The following PTPRS variants were observed in gnomAD, a reference collection of about 807,000 sequenced individuals.
PTPRS encodes protein tyrosine phosphatase receptor type S.
PTPRS carries 63 observed loss-of-function variants against 215.3 expected under a neutral mutation model. That is an observed-to-expected ratio of 0.29 (90% CI 0.24 to 0.36). PTPRS has a LOEUF of 0.36. Ranked by LOEUF, PTPRS falls within the 10% of genes least tolerant of loss-of-function variation. The pLI is 1.00. For synonymous variants in PTPRS, 1,404 were observed against 1,191.4 expected, an observed-to-expected ratio of 1.18 and a Z score of -3.68; for missense variants, 2,258 against 2,825.8, an observed-to-expected ratio of 0.80 and a Z score of 4.56.
chr19:5,260,634 C>CCACAGA (rs939579448), intron 7 of PTPRS, among the ~76,000 whole-genome samples, 171 bp downstream of exon 7: 2 of 152,180 alleles, frequency 1.3e-5, no homozygotes, highest in African/African-American at 2.4e-5. Context: ...AGCCCCCTGG[C>CCACAGA]CACAGACACA....
intron 17 of PTPRS, among the ~76,000 whole-genome samples, chr19:5,223,837 CA>C (rs1297002141): frequency 6.6e-6 from 1 of 151,036 alleles, no homozygotes; most frequent in Non-Finnish European, 1.5e-5. Context: ...GCTGGGATTA[CA>C]GGTGTGAGCC....
At chr19:5,219,137 C>T in intron 23 of PTPRS, 173 bp downstream of exon 23, 1 of 880,346 alleles carries the variant, frequency 1.1e-6, no homozygotes, top group Non-Finnish European at 1.7e-6. Context: ...AGCCCTAGCT[C>T]TGCCATTCCC....
chr19:5,281,070 G>GT (rs1568557544), intron 2 of PTPRS, among the ~76,000 whole-genome samples: 1 of 151,958 alleles, frequency 6.6e-6, no homozygotes, highest in African/African-American at 2.4e-5. Flanking sequence ...GGGATTACAG[G>GT]TATGAGGCGC....
At chr19:5,229,453 G>A (rs554871588) in intron 15 of PTPRS, 38 bp downstream of exon 15, 48 of 1,364,096 alleles carry the variant, frequency 3.5e-5, no homozygotes, top group Non-Finnish European at 4.1e-5. Flanking sequence ...GTCCCCGCCC[G>A]GAGCCCGTCC....
chr19:5,306,601 C>T (rs376021069), intron 1 of PTPRS, among the ~76,000 whole-genome samples: 1 of 152,166 alleles, frequency 6.6e-6, no homozygotes, highest in Non-Finnish European at 1.5e-5. Flanking sequence ...GTTTATCACC[C>T]AATTCCCTGT....
In PTPRS at chr19:5,243,948, C is replaced by T; in HGVS notation, c.1523G>A (p.Gly508Asp). The change falls in exon 11 of 38, where the codon GGC becomes GAC. Residue 508 changes from glycine to aspartate, a missense_variant. Gly to Asp is a moderately conservative substitution (Grantham distance 94). Around this residue, in one of 6 missense-constraint regions of PTPRS, gnomAD observed 508 missense variants for 799.4 expected, o/e 0.64. Coordinates refer to ENST00000262963, the MANE Select transcript of PTPRS (RefSeq NM_002850.4). ...GATGGGGTCCGAGAGGGGCCCGTCG[C>T]CGACGGAGGTGAAGGCGAGCACCCG... ...TVRVLAFTSV[G>D]DGPLSDPIQV... 1 of 1,584,958 alleles carries T rather than the reference C, an allele frequency of 6.3e-7. No individual in the cohort carries two copies. The highest frequency in any genetic ancestry group is 1.3e-5 in the African/African-American group (1 of 74,792).
At chr19:5,265,908 G>A (rs2046363650) in intron 4 of PTPRS, among the ~76,000 whole-genome samples, 1 of 152,110 alleles carries the variant, frequency 6.6e-6, no homozygotes, top group South Asian at 2.1e-4. Flanking sequence ...TTCATTTACA[G>A]CAGCCTGAGG....
chr19:5,238,671 A>C (rs1033564289), intron 13 of PTPRS, among the ~76,000 whole-genome samples: 21 of 152,222 alleles, frequency 1.4e-4, no homozygotes, highest in African/African-American at 3.6e-4. Flanking sequence ...CTTGACCCCA[A>C]GTCTCAACCC....
chr19:5,213,267 G>A (rs1020493098), intron 30 of PTPRS, among the ~76,000 whole-genome samples: 5 of 152,170 alleles, frequency 3.3e-5, no homozygotes, highest in African/African-American at 4.8e-5. Context: ...ACCTGAGTCA[G>A]ATCTGGTACC....
chr19:5,264,128 C>A (rs537039946), intron 5 of PTPRS, among the ~76,000 whole-genome samples: 2 of 127,494 alleles, frequency 1.6e-5, no homozygotes, highest in Non-Finnish European at 3.6e-5. Context: ...CTGGACTGCC[C>A]GTCTGTGCCC....
intron 1 of PTPRS, among the ~76,000 whole-genome samples, chr19:5,325,557 A>G (rs2050146625): frequency 6.6e-6 from 1 of 152,184 alleles, no homozygotes. Context: ...ACTCATTCCA[A>G]CATCCACCTC....
chr19:5,212,543 G>A (rs770572172), intron 30 of PTPRS, 52 bp from the exon 31 acceptor site: 4 of 1,534,798 alleles, frequency 2.6e-6, no homozygotes, highest in Non-Finnish European at 3.5e-6. Flanking sequence ...TGCCACCCAT[G>A]TGCTGAAGAT....
At chr19:5,279,130 G>A (rs1020136688) in intron 2 of PTPRS, among the ~76,000 whole-genome samples, 4 of 151,604 alleles carry the variant, frequency 2.6e-5, no homozygotes, top group African/African-American at 9.7e-5. Context: ...AGGCTGCAGT[G>A]AGCTCAGACC....
chr19:5,250,040 G>A (rs2044855381), intron 9 of PTPRS, among the ~76,000 whole-genome samples: 1 of 152,290 alleles, frequency 6.6e-6, no homozygotes, highest in Non-Finnish European at 1.5e-5. Flanking sequence ...CTATAAATCA[G>A]TTTAATGTGG....
chr19:5,267,857 C>T (rs1224353132), intron 4 of PTPRS, among the ~76,000 whole-genome samples: 1 of 152,004 alleles, frequency 6.6e-6, no homozygotes, highest in East Asian at 1.9e-4. Context: ...AAAAACAGCC[C>T]TGTAGCTGTA....
At chr19:5,267,386 G>A (rs1422465150) in intron 4 of PTPRS, among the ~76,000 whole-genome samples, 2 of 152,114 alleles carry the variant, frequency 1.3e-5, no homozygotes, top group Non-Finnish European at 2.9e-5. Flanking sequence ...GCCGGCCGTG[G>A]GGGCTCACAC....
intron 2 of PTPRS, among the ~76,000 whole-genome samples, chr19:5,285,778 T>TG (rs1397243066): frequency 1.8e-4 from 28 of 152,332 alleles, no homozygotes; most frequent in Admixed American, 1.8e-3. Context: ...GCATGGAGCC[T>TG]GGGGCTGAGT....
In PTPRS at chr19:5,268,708, G is replaced by A. The variant is rs145512835; in HGVS notation, c.380-3512C>T. Among the ~76,000 whole-genome samples the A allele has an allele frequency of 1.4e-3, 218 of 152,360 alleles. 2 individuals carry two copies. The highest frequency in any genetic ancestry group is 3.4e-3 in the Middle Eastern group (1 of 294). On this transcript the variant is annotated intron_variant, in intron 4 of 37. Coordinates refer to ENST00000262963, the MANE Select transcript of PTPRS (RefSeq NM_002850.4). ...CATCCCAGGCGCAGCGCAGGCAACG[G>A]AACCTGTGATCTCCTCCAAGCCTTT...
intron 4 of PTPRS, 110 bp downstream of exon 4, chr19:5,273,331 CA>C: frequency 2.0e-6 from 3 of 1,529,006 alleles, no homozygotes; most frequent in Non-Finnish European, 2.7e-6. Flanking sequence ...AAGGTCCTCC[CA>C]AAAAACACAA....
Sources: allele counts gnomAD v4.1 joint callset (sites outside exome capture counted in the v4.1 genomes callset), GRCh38; gene constraint gnomAD v4.1.1; regional missense constraint gnomAD v4.1.1; transcripts MANE v1.5; gene names NCBI Gene and HGNC (gene_info 2026-07-23, HGNC 2026-07-21).